The following METTL22 variants were observed in gnomAD, a reference collection of about 807,000 sequenced individuals.
METTL22 encodes methyltransferase-like protein 22.
A neutral mutation model predicts 48.4 loss-of-function variants in METTL22; 51 were observed. The ratio of observed to expected loss-of-function variants is 1.05; its 90% CI spans 0.84 to 1.33. The LOEUF is 1.33. Among genes scored for constraint, METTL22 ranks in the 40% most tolerant of loss-of-function variants. METTL22 has a pLI of 0.00. For missense variants in METTL22, 678 were observed against 526.9 expected (o/e 1.29, Z -2.81); for synonymous variants, 255 against 214.1 (o/e 1.19, Z -1.67).
chr16:8,661,600 G>A, the METTL22 span, among the ~76,000 whole-genome samples: 2 of 121,776 alleles, frequency 1.6e-5, no homozygotes, highest in East Asian at 4.6e-4. Flanking sequence ...AGCCGAGATT[G>A]AGCCACTGCA....
At chr16:8,637,351 G>C (rs1478298224) in intron 5 of METTL22, among the ~76,000 whole-genome samples, 2 of 152,216 alleles carry the variant, frequency 1.3e-5, no homozygotes, top group African/African-American at 2.4e-5. Context: ...GCTCTTCTCA[G>C]AGTCAAGCCG....
intron 3 of METTL22, chr16:8,631,281 A>G (rs1371781069): frequency 1.3e-5 from 2 of 152,250 alleles, no homozygotes; most frequent in Non-Finnish European, 2.9e-5. Flanking sequence ...TTATCCAGGG[A>G]TCTGCCAGGA....
chr16:8,638,091 G>C (rs1366157487), intron 5 of METTL22, among the ~76,000 whole-genome samples: 1 of 148,506 alleles, frequency 6.7e-6, no homozygotes, highest in Non-Finnish European at 1.5e-5. Context: ...AGGTTGCAGT[G>C]AGCCAAGGTT....
intron 5 of METTL22, among the ~76,000 whole-genome samples, chr16:8,638,724 C>T (rs1053226116): frequency 4.6e-5 from 7 of 152,162 alleles, no homozygotes; most frequent in African/African-American, 1.4e-4. Context: ...TGACTTTGCT[C>T]AAGTCACTTA....
chr16:8,629,066 T>C lies in METTL22; in HGVS notation c.470T>C (p.Leu157Pro). The C allele has an allele frequency of 6.2e-7, 1 of 1,613,830 alleles. No homozygotes were observed. The highest frequency in any genetic ancestry group is 8.5e-7 in the Non-Finnish European group (1 of 1,180,024). Reference protein sequence around the residue: ...MILAQEEDDVLGEEAQGSPHD... With the variant: ...MILAQEEDDVPGEEAQGSPHD... ...CTAGCACAGGAAGAAGACGACGTCC[T>C]GGGAGAGGAAGCACAAGGCAGCCCG... The change falls in exon 3 of 11, where the codon CTG becomes CCG. Residue 157 changes from leucine (L) to proline (P), a missense_variant. Leu to Pro is a moderately conservative substitution (Grantham distance 98, BLOSUM62 -3). Coordinates refer to ENST00000381920, the MANE Select transcript of METTL22 (RefSeq NM_024109.4).
intron 3 of METTL22, among the ~76,000 whole-genome samples, chr16:8,634,214 T>C (rs1487973377): frequency 6.6e-6 from 1 of 152,204 alleles, no homozygotes; most frequent in East Asian, 1.9e-4. Flanking sequence ...CAGAGAACAG[T>C]GGCCCAGGTG....
chr16:8,636,180 G>A (rs1619640), intron 5 of METTL22, among the ~76,000 whole-genome samples: 150,293 of 152,192 alleles, frequency 0.99, 74,244 homozygotes, highest in Middle Eastern at 1. Context: ...ATGTTTACCC[G>A]TTGTTTAGCT....
At chr16:8,663,546 C>T in the METTL22 span, among the ~76,000 whole-genome samples, 12,695 of 111,744 alleles carry the variant, frequency 0.11, 677 homozygotes, top group Middle Eastern at 0.16. Flanking sequence ...CAAGAGGGGG[C>T]CCCACCCAGG....
Position 8,642,168 on chromosome 16 carries a change from G to A in METTL22, c.868G>A (p.Asp290Asn), listed in dbSNP as rs180917466. Reference protein sequence around the residue: ...PFSWSQEEISDLYDHTTILFA... With the variant: ...PFSWSQEEISNLYDHTTILFA... ...CAGTTGGTCACAAGAGGAAATTTCT[G>A]ACTTGTACGATCACACCACCATCCT... Residue 290 changes from aspartate to asparagine, a missense_variant, in exon 8 of 11, where the codon GAC becomes AAC. Physicochemically the swap from Asp to Asn is conservative, Grantham distance 23. Transcript: ENST00000381920. The A allele has an allele frequency of 1.2e-6, 2 of 1,613,798 alleles. No individual in the cohort carries two copies. Among genetic ancestry groups the A allele is most frequent in the Non-Finnish European group, 1.7e-6 (2 of 1,179,830 alleles).
chr16:8,653,280 C>A (rs2056924743), downstream of METTL22, among the ~76,000 whole-genome samples: 1 of 152,176 alleles, frequency 6.6e-6, no homozygotes, highest in Non-Finnish European at 1.5e-5. Flanking sequence ...TCACAAGGGA[C>A]AACGCTAAGT....
At chr16:8,633,582 G>A (rs1172713518) in intron 3 of METTL22, among the ~76,000 whole-genome samples, 1 of 152,226 alleles carries the variant, frequency 6.6e-6, no homozygotes, top group East Asian at 1.9e-4. Context: ...CTCCAGCGTA[G>A]ATGACAGAGT....
the METTL22 span, among the ~76,000 whole-genome samples, chr16:8,657,555 T>G: frequency 2.6e-5 from 4 of 152,168 alleles, no homozygotes; most frequent in African/African-American, 4.8e-5. Context: ...GTCTACTATA[T>G]GGAGTTCAAA....
intron 3 of METTL22, chr16:8,631,959 A>T (rs1166680847): frequency 1.3e-5 from 2 of 152,254 alleles, no homozygotes; most frequent in African/African-American, 4.8e-5. Context: ...CGCCCGGCCC[A>T]GGGCTGACAT....
At position 8,647,627 on chromosome 16, in the gene METTL22, C is replaced by G. The variant is rs2056827766; in HGVS notation, c.*1484C>G. The stretch of plus-strand genomic sequence containing the variant: ...AGCATCCCCCACAACACAAAATGAT[C>G]CAGCCCAAAATGTGAGTAGCGCCGA... On this transcript the variant is annotated 3_prime_UTR_variant, in exon 11 of 11. Coordinates refer to ENST00000381920, the MANE Select transcript of METTL22 (RefSeq NM_024109.4). 1 of 152,118 alleles carries G rather than the reference C, an allele frequency of 6.6e-6. No individual in the cohort carries two copies. Among genetic ancestry groups the G allele is most frequent in the South Asian group, 2.1e-4 (1 of 4,826 alleles). 9.4% of individuals were successfully genotyped at this position (152,118 alleles called of 1,614,324 possible).
intron 10 of METTL22, 81 bp from the exon 11 acceptor site, chr16:8,646,027 G>GACTGCTCCGTGGCTGAC: frequency 6.3e-7 from 1 of 1,586,914 alleles, no homozygotes; most frequent in Non-Finnish European, 8.6e-7. Context: ...TACTCTCCTT[G>GACTGCTCCGTGGCTGAC]GTGAATCACT....
chr16:8,645,756 A>G (rs1186334263), intron 10 of METTL22, among the ~76,000 whole-genome samples: 2 of 152,200 alleles, frequency 1.3e-5, no homozygotes, highest in African/African-American at 4.8e-5. Flanking sequence ...AGACTGGGCA[A>G]CAGAATGAGA....
At chr16:8,637,461 A>C (rs2056457490) in intron 5 of METTL22, among the ~76,000 whole-genome samples, 2 of 152,240 alleles carry the variant, frequency 1.3e-5, no homozygotes, top group South Asian at 4.1e-4. Flanking sequence ...GCTTGCATTT[A>C]GATGCCATGT....
rs933368644 is a variant in METTL22, at chr16:8,635,678, A to G, written c.700+366A>G. Among the ~76,000 whole-genome samples, 39 of 152,242 alleles carry G rather than the reference A, an allele frequency of 2.6e-4. 1 individual carries two copies. Among genetic ancestry groups the G allele is most frequent in the Admixed American group, 2.4e-3 (37 of 15,288 alleles). On this transcript the variant is annotated intron_variant, in intron 5 of 10. Transcript: ENST00000381920. ...CAAGTTTATTATTTTTTTCCTGGGT[A>G]TAGAAGCCTTGCCCATTCTTTGTAG... is the stretch of plus-strand genomic sequence containing the variant.
intron 2 of METTL22, 135 bp downstream of exon 2, chr16:8,625,933 T>C: frequency 8.9e-7 from 1 of 1,117,662 alleles, no homozygotes; most frequent in Non-Finnish European, 1.3e-6. Flanking sequence ...AGTGCCCTTT[T>C]TTTCTTTATG....
Sources: gnomAD v4.1 joint callset for allele counts (sites outside exome capture counted in the v4.1 genomes callset) on GRCh38, gnomAD v4.1.1 for gene constraint, MANE v1.5 for transcripts, NCBI Gene and HGNC (gene_info 2026-07-23, HGNC 2026-07-21) for gene names.